LRPPRC: variants seen among roughly 807,000 people sequenced by gnomAD.
LRPPRC encodes leucine rich pentatricopeptide repeat containing.
In LRPPRC, 120 loss-of-function variants were observed where a neutral mutation model predicts 180.3. That is an observed-to-expected ratio of 0.67 (90% confidence interval 0.57 to 0.77). LRPPRC has a LOEUF of 0.77. Ranked by LOEUF, LRPPRC falls within the 30% of genes least tolerant of loss-of-function variation. LRPPRC has a pLI of 0.00. For missense variants in LRPPRC, 2,012 were observed against 1,657.2 expected (o/e 1.21, Z -3.72); for synonymous variants, 723 against 600.0 (o/e 1.21, Z -3.00).
intron 23 of LRPPRC, among the ~76,000 whole-genome samples, chr2:43,935,768 G>A (rs1409579085): frequency 6.6e-6 from 1 of 151,870 alleles, no homozygotes; most frequent in Non-Finnish European, 1.5e-5. Flanking sequence ...AAATTCACAG[G>A]TAATATAAAA....
chr2:43,947,376 G>C lies in LRPPRC; in HGVS notation c.1966-6C>G. The C allele has an allele frequency of 6.9e-7, 1 of 1,448,392 alleles. No individual in the cohort carries two copies. The highest frequency in any genetic ancestry group is 1.7e-5 in the Admixed American group (1 of 59,436). 89.7% of individuals were successfully genotyped at this position (1,448,392 alleles called of 1,614,324 possible). On this transcript the variant is annotated splice_polypyrimidine_tract_variant and splice_region_variant and intron_variant, in intron 19 of 37. Transcript: ENST00000260665. ...GATGATGTAAGTTGCACAGTCTACA[G>C]AAAAGAAAAAAGAAAAGAAAAATTT... is the stretch of plus-strand genomic sequence containing the variant.
At chr2:43,907,227 A>C (rs1294594333) in intron 30 of LRPPRC, among the ~76,000 whole-genome samples, 1 of 152,196 alleles carries the variant, frequency 6.6e-6, no homozygotes, top group African/African-American at 2.4e-5. Flanking sequence ...CTGCCTGCTC[A>C]TTACAAATAT....
intron 3 of LRPPRC, among the ~76,000 whole-genome samples, chr2:43,979,089 T>C (rs1364247935): frequency 6.6e-6 from 1 of 152,110 alleles, no homozygotes; most frequent in Non-Finnish European, 1.5e-5. Flanking sequence ...GGAATGAACA[T>C]TAAATTGTAT....
chr2:43,898,227 T>A (rs1007371779), intron 34 of LRPPRC, among the ~76,000 whole-genome samples: 1 of 151,968 alleles, frequency 6.6e-6, no homozygotes, highest in Non-Finnish European at 1.5e-5. Context: ...AGAGATACAG[T>A]TTTTCAGGTA....
intron 19 of LRPPRC, 43 bp from the exon 20 acceptor site, chr2:43,947,413 A>T: frequency 1.0e-6 from 1 of 965,046 alleles, no homozygotes; most frequent in Non-Finnish European, 1.7e-6. Flanking sequence ...CTGAAAAAGG[A>T]AATATAGTAT....
chr2:43,970,223 G>C (rs1403524830), intron 11 of LRPPRC, among the ~76,000 whole-genome samples: 3 of 152,124 alleles, frequency 2.0e-5, no homozygotes, highest in African/African-American at 7.2e-5. Flanking sequence ...TCAGAAGGAG[G>C]AGTATGTTCT....
At chr2:43,995,581 G>T (rs1004266914) in intron 1 of LRPPRC, among the ~76,000 whole-genome samples, 5 of 152,208 alleles carry the variant, frequency 3.3e-5, no homozygotes, top group African/African-American at 1.2e-4. Context: ...GATTCAAGCC[G>T]GAGGCAGGCC....
At chr2:43,937,376 CTTCAGTCCCTATTA>C (rs1408218680) in intron 23 of LRPPRC, among the ~76,000 whole-genome samples, 1 of 152,132 alleles carries the variant, frequency 6.6e-6, no homozygotes, top group Non-Finnish European at 1.5e-5. Flanking sequence ...CTAGTCAGTT[CTTCAGTCCCTATTA>C]TCTAATTCGG....
At chr2:43,984,216 TGGA>T (rs2103752462) in intron 1 of LRPPRC, among the ~76,000 whole-genome samples, 1 of 152,262 alleles carries the variant, frequency 6.6e-6, no homozygotes, top group Admixed American at 6.5e-5. Context: ...ATGTCAAGTT[TGGA>T]GGAGTATGCA....
In LRPPRC at chr2:43,934,246, G is replaced by C. The variant is rs886056055; in HGVS notation, c.2680C>G (p.Leu894Val). The C allele has an allele frequency of 6.2e-7, 1 of 1,612,220 alleles. No homozygotes were observed. Among genetic ancestry groups the C allele is most frequent in the Admixed American group, 1.7e-5 (1 of 59,952 alleles). Residue 894 changes from leucine to valine, a missense_variant, in exon 25 of 38, where the codon CTC (leucine) becomes GTC (valine). Physicochemically the swap from Leu to Val is conservative, Grantham distance 32 (BLOSUM62 1). Transcript: ENST00000260665. ...CCTGTTTGTAGGAAGGCAAAGAAGA[G>C]ATCATAGAGCATCACCATTTCACCT... ...EQGEMVMLYD[L>V]FFAFLQTGNY... is the part of the protein sequence containing the mutation.
rs1484698722 is a variant in LRPPRC, at chr2:43,947,318, G to C, written c.2018C>G (p.Ala673Gly). 6.2e-6 allele frequency: 10 copies of C among 1,607,768 alleles called. No homozygotes were observed. The Middle Eastern group carries it at 9.9e-4, about 159-fold the overall frequency. The change falls in exon 20 of 38, where the codon GCT becomes GGT. Residue 673 changes from alanine to glycine, a missense_variant. Ala to Gly is a moderately conservative substitution (Grantham distance 60, BLOSUM62 0). Transcript: ENST00000260665. The part of the protein sequence containing the change: ...ELESTLETLK[A>G]ENQPIRDVLK... The stretch of plus-strand genomic sequence containing the variant: ...GACATCTCTTATAGGTTGATTTTCA[G>C]CTTTTAGTGTTTCAAGTGTGGACTC...
intron 3 of LRPPRC, 90 bp from the exon 4 acceptor site, chr2:43,977,366 AAACTATC>A: frequency 9.9e-7 from 1 of 1,011,520 alleles, no homozygotes; most frequent in Non-Finnish European, 1.5e-6. Context: ...AAAAAGAGTA[AAACTATC>A]ACTTTAGCAT....
chr2:43,966,843 G>A (rs964868654), intron 11 of LRPPRC, among the ~76,000 whole-genome samples: 2 of 150,608 alleles, frequency 1.3e-5, no homozygotes, highest in African/African-American at 2.4e-5. Flanking sequence ...CTGAAGTCAG[G>A]AGTTTGAGAC....
chr2:43,916,491 G>A (rs1035290209), intron 29 of LRPPRC, among the ~76,000 whole-genome samples: 1 of 152,056 alleles, frequency 6.6e-6, no homozygotes, highest in Non-Finnish European at 1.5e-5. Flanking sequence ...GATATTGCTG[G>A]ATCACTTCAA....
Position 43,888,435 on chromosome 2 carries a change from A to C in LRPPRC, c.*165T>G. ...GAGAAAAAAACTCCAAAAATGTCCA[A>C]TAACCAAGTGCACAGAGTTATGGTC... On this transcript the variant is annotated 3_prime_UTR_variant, in exon 38 of 38. Transcript: ENST00000260665. The C allele has an allele frequency of 1.8e-6, 1 of 568,220 alleles. No homozygotes were observed. Among genetic ancestry groups the C allele is most frequent in the Middle Eastern group, 4.9e-4 (1 of 2,036 alleles). 35.2% of individuals were successfully genotyped at this position (568,220 alleles called of 1,614,324 possible). A position where few individuals can be genotyped will look rare whatever the true frequency, so the allele number is the denominator to read the frequency against.
intron 1 of LRPPRC, among the ~76,000 whole-genome samples, chr2:43,992,084 C>T (rs1190804115): frequency 6.6e-6 from 1 of 152,032 alleles, no homozygotes; most frequent in Non-Finnish European, 1.5e-5. Flanking sequence ...GGTGAGTGCA[C>T]GTCATAGTGT....
intron 11 of LRPPRC, among the ~76,000 whole-genome samples, chr2:43,971,521 T>G (rs1322465713): frequency 1.4e-5 from 1 of 73,888 alleles, no homozygotes; most frequent in Non-Finnish European, 3.0e-5. Context: ...AATATATATA[T>G]ATGTTTTTTA....
intron 29 of LRPPRC, among the ~76,000 whole-genome samples, chr2:43,915,198 A>ACTCT (rs142492838): frequency 0.011 from 691 of 63,372 alleles, 2 homozygotes; most frequent in South Asian, 0.02. Flanking sequence ...ACAGAACAAG[A>ACTCT]CTCTCTCTCT....
Position 43,896,709 on chromosome 2 carries a change from C to T in LRPPRC, c.3826-1G>A. ...TTTGTTCAGCAATTGCACCACATCT[C>T]TAAAAATTAAAACATTATTCAGTAA... On this transcript the variant is annotated splice_acceptor_variant, in intron 34 of 37. Transcript: ENST00000260665. LOFTEE classifies it high-confidence loss of function. The T allele has an allele frequency of 6.3e-7, 1 of 1,588,070 alleles. No homozygotes were observed. The highest frequency in any genetic ancestry group is 8.6e-7 in the Non-Finnish European group (1 of 1,156,556).
Sources: gnomAD v4.1 joint callset for allele counts (sites outside exome capture counted in the v4.1 genomes callset) on GRCh38, gnomAD v4.1.1 for gene constraint, MANE v1.5 for transcripts, NCBI Gene and HGNC (gene_info 2026-07-23, HGNC 2026-07-21) for gene names.